GPR21: variants seen among roughly 807,000 people sequenced by gnomAD.
GPR21 encodes the protein G protein-coupled receptor 21.
GPR21 carries 9 observed loss-of-function variants against 21.5 expected under a neutral mutation model. That is an observed-to-expected ratio of 0.42 (90% CI 0.25 to 0.73). The LOEUF is 0.73. Ranked by LOEUF, GPR21 falls within the 30% of genes least tolerant of loss-of-function variation. GPR21 has a pLI of 0.27. For synonymous variants in GPR21, 169 were observed against 159.3 expected, an observed-to-expected ratio of 1.06 and a Z score of -0.46; for missense variants, 416 against 428.9, an observed-to-expected ratio of 0.97 and a Z score of 0.27.
the GPR21 span, among the ~76,000 whole-genome samples, chr9:123,043,639 T>G: frequency 3.0e-5 from 4 of 134,056 alleles, no homozygotes; most frequent in African/African-American, 9.4e-5. Flanking sequence ...GTTTGGGGGG[T>G]GAGGGGAAGG....
At chr9:123,043,561 C>T in the GPR21 span, among the ~76,000 whole-genome samples, 12 of 149,762 alleles carry the variant, frequency 8.0e-5, no homozygotes, top group Non-Finnish European at 1.3e-4. Context: ...TTATGTGTTG[C>T]TGTGTATAGT....
chr9:123,038,818 C>T (rs561100839), downstream of GPR21, among the ~76,000 whole-genome samples: 35 of 151,706 alleles, frequency 2.3e-4, no homozygotes, highest in African/African-American at 5.6e-4. Context: ...TGGCTGTAAA[C>T]GAGTCATTTG....
At chr9:123,043,553 A>G in the GPR21 span, among the ~76,000 whole-genome samples, 1 of 151,012 alleles carries the variant, frequency 6.6e-6, no homozygotes, top group Non-Finnish European at 1.5e-5. Context: ...TGATTCAGTT[A>G]TGTGTTGCTG....
chr9:123,036,039 A>G (rs2032639638), downstream of GPR21, among the ~76,000 whole-genome samples: 1 of 152,198 alleles, frequency 6.6e-6, no homozygotes, highest in Non-Finnish European at 1.5e-5. Flanking sequence ...CTTCATATGC[A>G]ATTGATTTCT....
the GPR21 span, among the ~76,000 whole-genome samples, chr9:123,047,919 G>GTTTTTTTTTTTTTTTTTTTTTTTTTTTTT: frequency 4.8e-5 from 3 of 62,280 alleles, 1 homozygote; most frequent in Non-Finnish European, 1.1e-4. Flanking sequence ...CAGCTGCTGG[G>GTTTTTTTTTTTTTTTTTTTTTTTTTTTTT]TTTTTTTTTT....
Position 123,035,047 on chromosome 9 carries a change from T to A in GPR21, c.481T>A (p.Phe161Ile). Residue 161 changes from phenylalanine (F) to isoleucine (I), a missense_variant, in exon 2 of 2, where the codon TTC (phenylalanine) becomes ATC (isoleucine). Physicochemically the swap from Phe to Ile is conservative, Grantham distance 21 (BLOSUM62 0). Coordinates refer to ENST00000616002, the MANE Select transcript of GPR21 (RefSeq NM_005294.3). ...GATTTGGCTATACTCGACCCTGGTC[T>A]TCCTGCCTTCCTTTTTCCACTGGGG... ...FLIWLYSTLVFLPSFFHWGKP... is the reference protein window; with the variant it reads ...FLIWLYSTLVILPSFFHWGKP... 6 of 1,614,142 alleles carry A rather than the reference T, an allele frequency of 3.7e-6. No individual in the cohort carries two copies. Among genetic ancestry groups the A allele is most frequent in the Non-Finnish European group, 5.1e-6 (6 of 1,179,984 alleles).
chr9:123,047,254 C>T, the GPR21 span, among the ~76,000 whole-genome samples: 2 of 151,964 alleles, frequency 1.3e-5, no homozygotes, highest in African/African-American at 2.4e-5. Flanking sequence ...AATGTTTGTT[C>T]GAGGAGGTAA....
chr9:123,038,648 C>CA (rs2032794683), downstream of GPR21, among the ~76,000 whole-genome samples: 1 of 151,954 alleles, frequency 6.6e-6, no homozygotes, highest in Non-Finnish European at 1.5e-5. Flanking sequence ...AAAACTGTGG[C>CA]ATTGAGATTT....
the GPR21 span, among the ~76,000 whole-genome samples, chr9:123,046,633 G>A: frequency 6.6e-5 from 10 of 152,192 alleles, no homozygotes; most frequent in African/African-American, 2.2e-4. Context: ...AGCTCTTAGC[G>A]TAGTGCTTGG....
downstream of GPR21, among the ~76,000 whole-genome samples, chr9:123,040,068 A>G (rs1258512393): frequency 6.6e-6 from 1 of 152,178 alleles, no homozygotes; most frequent in East Asian, 1.9e-4. Context: ...CAGGTAGTAT[A>G]ACTAGCCTCA....
At chr9:123,036,263 A>G (rs2032654224), downstream of GPR21, among the ~76,000 whole-genome samples, 1 of 152,260 alleles carries the variant, frequency 6.6e-6, no homozygotes, top group Non-Finnish European at 1.5e-5. Context: ...CAAAAGTGCA[A>G]TCAAATTATA....
At chr9:123,046,903 A>C in the GPR21 span, among the ~76,000 whole-genome samples, 1 of 152,236 alleles carries the variant, frequency 6.6e-6, no homozygotes, top group Non-Finnish European at 1.5e-5. Flanking sequence ...CTTAGCAGAC[A>C]TAATCTGGAC....
At chr9:123,041,181 A>G in the GPR21 span, among the ~76,000 whole-genome samples, 1 of 152,200 alleles carries the variant, frequency 6.6e-6, no homozygotes, top group Non-Finnish European at 1.5e-5. Flanking sequence ...CCAACACTGT[A>G]AGAGCTAGTG....
At chr9:123,041,763 C>G in the GPR21 span, among the ~76,000 whole-genome samples, 4 of 152,120 alleles carry the variant, frequency 2.6e-5, no homozygotes, top group African/African-American at 7.2e-5. Context: ...AAAGAAACAG[C>G]CTGATTTGTC....
the GPR21 span, among the ~76,000 whole-genome samples, chr9:123,041,467 A>G: frequency 6.6e-6 from 1 of 152,230 alleles, no homozygotes; most frequent in Non-Finnish European, 1.5e-5. Context: ...ATTCAAATCC[A>G]ATTCTTTGAC....
At chr9:123,035,977 TAA>T (rs1000888901), downstream of GPR21, among the ~76,000 whole-genome samples, 15 of 152,232 alleles carry the variant, frequency 9.9e-5, no homozygotes, top group Admixed American at 5.2e-4. Flanking sequence ...GTCAGCATTT[TAA>T]AAAGTCATCA....
At chr9:123,036,047 T>G (rs550706322), downstream of GPR21, among the ~76,000 whole-genome samples, 9 of 152,342 alleles carry the variant, frequency 5.9e-5, no homozygotes, top group East Asian at 5.8e-4. Flanking sequence ...GCAATTGATT[T>G]CTTCTAACGG....
the GPR21 span, among the ~76,000 whole-genome samples, chr9:123,042,580 A>G: frequency 6.6e-6 from 1 of 152,238 alleles, no homozygotes; most frequent in Non-Finnish European, 1.5e-5. Flanking sequence ...AATTTAAAGT[A>G]TAATAATTTT....
the GPR21 span, among the ~76,000 whole-genome samples, chr9:123,044,359 C>T: frequency 6.6e-6 from 1 of 152,180 alleles, no homozygotes; most frequent in Non-Finnish European, 1.5e-5. Flanking sequence ...TGGTTCTTTA[C>T]AAAGCCATTT....
Sources: allele counts gnomAD v4.1 joint callset (sites outside exome capture counted in the v4.1 genomes callset), GRCh38; gene constraint gnomAD v4.1.1; transcripts MANE v1.5; gene names NCBI Gene and HGNC (gene_info 2026-07-23, HGNC 2026-07-21).